AKAP13: variants seen among roughly 807,000 people sequenced by gnomAD.
AKAP13 encodes A-kinase anchor protein 13.
Under a neutral mutation model 264.5 loss-of-function variants are expected in AKAP13, and 80 were observed. That is an observed-to-expected ratio of 0.30 (90% CI 0.25 to 0.36). AKAP13 has a LOEUF of 0.36. Ranked by LOEUF, AKAP13 falls within the 10% of genes least tolerant of loss-of-function variation. AKAP13 has a pLI of 1.00. For missense variants in AKAP13, 3,712 were observed against 3,435.2 expected (o/e 1.08, Z -2.01); for synonymous variants, 1,380 against 1,250.2 (o/e 1.10, Z -2.19).
chr15:85,718,939 G>A lies in AKAP13; in HGVS notation c.6002-137G>A. 8.2e-7 allele frequency: 1 copy of A among 1,221,446 alleles called. No individual in the cohort carries two copies. The highest frequency in any genetic ancestry group is 1.1e-6 in the Non-Finnish European group (1 of 883,762). The allele number at this position is 1,221,446 out of a possible 1,614,324, so 75.7% of individuals were successfully genotyped here. A position where few individuals can be genotyped will look rare whatever the true frequency, so the allele number is the denominator to read the frequency against. ...AAACAAAAAAACGAGAACACTTTTA[G>A]GGGAAAGATAGCTGTTGACCCAATT... On this transcript the variant is annotated intron_variant, in intron 22 of 36. Transcript: ENST00000394518. The surrounding 1 kb of genome is among the most constrained non-coding windows in gnomAD (Gnocchi z 4.9).
At chr15:85,631,251 G>A (rs1013629770) in intron 8 of AKAP13, among the ~76,000 whole-genome samples, 6 of 152,024 alleles carry the variant, frequency 3.9e-5, no homozygotes, top group Non-Finnish European at 7.4e-5. Context: ...AAATACATTC[G>A]TGGCTCTCTA....
In AKAP13 at chr15:85,645,901, T is replaced by C. The variant is rs943647520; in HGVS notation, c.4321T>C (p.Ser1441Pro). Residue 1441 changes from serine to proline, a missense_variant, in exon 10 of 37, where the codon TCT becomes CCT. Ser to Pro is a moderately conservative substitution (Grantham distance 74). Transcript: ENST00000394518. Reference sequence around the variant, plus strand: ...ACTTAAAAGAGAATCTGGGAGTGATTCTGACCTCTTTCACTCACCCAGTGA... The same window carrying C: ...ACTTAAAAGAGAATCTGGGAGTGATCCTGACCTCTTTCACTCACCCAGTGA... ...GVLKRESGSDSDLFHSPSDDM... is the reference protein window; with the variant it reads ...GVLKRESGSDPDLFHSPSDDM... 2 of 1,613,934 alleles carry C rather than the reference T, an allele frequency of 1.2e-6. No individual in the cohort carries two copies.
At chr15:85,453,319 G>A (rs536354458) in intron 1 of AKAP13, among the ~76,000 whole-genome samples, 59 of 151,630 alleles carry the variant, frequency 3.9e-4, no homozygotes, top group Admixed American at 3.3e-3. Flanking sequence ...TGGAGGACCT[G>A]CCCTGTGAGG....
chr15:85,575,124 C>T lies in AKAP13; in HGVS notation c.663-7C>T, dbSNP rs1158852097. ...TATATATATTAACCAGAGATGCTTG[C>T]ATGTAGGGAGAATGCTGGAGAACCA... On this transcript the variant is annotated splice_region_variant and splice_polypyrimidine_tract_variant and intron_variant, in intron 5 of 36. Coordinates refer to ENST00000394518, the MANE Select transcript of AKAP13 (RefSeq NM_007200.5). 1 of 1,613,464 alleles carries T rather than the reference C, an allele frequency of 6.2e-7. No homozygotes were observed. Among genetic ancestry groups the T allele is most frequent in the South Asian group, 1.1e-5 (1 of 91,070 alleles).
Position 85,580,776 on chromosome 15 carries a change from CT to C in AKAP13, c.2711del (p.Leu904Ter). 6.2e-7 allele frequency: 1 copy of C among 1,614,074 alleles called. No homozygotes were observed. The highest frequency in any genetic ancestry group is 8.5e-7 in the Non-Finnish European group (1 of 1,180,006). On this transcript the variant is annotated frameshift_variant, in exon 7 of 37. Coordinates refer to ENST00000394518, the MANE Select transcript of AKAP13 (RefSeq NM_007200.5). LOFTEE classifies it high-confidence loss of function. ...SLQSVGKATL[A>X]LDSVLTEEGK... ...CAAAGTGTGGGTAAGGCCACTTTGG[CT>C]TTAGATTCAGTTTTGACTGAAGAAG...
chr15:85,430,091 T>C (rs2072960380), intron 1 of AKAP13, among the ~76,000 whole-genome samples: 1 of 152,218 alleles, frequency 6.6e-6, no homozygotes, highest in Admixed American at 6.5e-5. Flanking sequence ...TTTGCATATC[T>C]TTTGGACTAA....
At chr15:85,464,761 A>G (rs999208665) in intron 1 of AKAP13, among the ~76,000 whole-genome samples, 1 of 152,150 alleles carries the variant, frequency 6.6e-6, no homozygotes, top group Admixed American at 6.5e-5. Context: ...ATTTGTATCA[A>G]CATCTCTCTA....
chr15:85,556,211 T>TTAAAAG (rs1239035728), intron 5 of AKAP13, among the ~76,000 whole-genome samples: 1 of 152,218 alleles, frequency 6.6e-6, no homozygotes, highest in Non-Finnish European at 1.5e-5. Flanking sequence ...TTTGTGAGGA[T>TTAAAAG]TAAAAGTAAA....
At chr15:85,564,499 C>A (rs539006331) in intron 5 of AKAP13, among the ~76,000 whole-genome samples, 2 of 152,188 alleles carry the variant, frequency 1.3e-5, no homozygotes, top group Non-Finnish European at 2.9e-5. Context: ...AGTAATTTAT[C>A]ATTAATACAA....
chr15:85,726,345 C>G, intron 26 of AKAP13, 65 bp from the exon 27 acceptor site: 1 of 1,384,906 alleles, frequency 7.2e-7, no homozygotes, highest in Non-Finnish European at 1.0e-6. Context: ...AAAAAACCTT[C>G]TGACTGTGGG....
intron 6 of AKAP13, chr15:85,577,828 G>C (rs1157039291): frequency 1.0e-6 from 1 of 985,246 alleles, no homozygotes. Flanking sequence ...GGTTAAGTTA[G>C]ATTGGTTGGA....
chr15:85,619,806 A>T, intron 8 of AKAP13: 4 of 1,205,200 alleles, frequency 3.3e-6, no homozygotes, highest in Non-Finnish European at 4.1e-6. Flanking sequence ...AAAGTATAGC[A>T]TTAGGTGGTA....
chr15:85,569,441 T>A (rs1289111194), intron 5 of AKAP13, among the ~76,000 whole-genome samples: 1 of 132,224 alleles, frequency 7.6e-6, no homozygotes, highest in Non-Finnish European at 1.7e-5. Flanking sequence ...TCAACATATT[T>A]TTTTCTTTTC....
chr15:85,535,305 C>T (rs149162758), intron 4 of AKAP13: 1 of 152,312 alleles, frequency 6.6e-6, no homozygotes, highest in East Asian at 1.9e-4. Context: ...AACAGTTAAA[C>T]CTGTGGTCAG....
At chr15:85,498,474 T>G (rs1426508288) in intron 2 of AKAP13, among the ~76,000 whole-genome samples, 1 of 152,066 alleles carries the variant, frequency 6.6e-6, no homozygotes, top group Non-Finnish European at 1.5e-5. Context: ...ATTTTATAGA[T>G]GAACGAACAT....
chr15:85,563,329 G>GTTTTTTTTTTT (rs1184437606), intron 5 of AKAP13, among the ~76,000 whole-genome samples: 30 of 54,158 alleles, frequency 5.5e-4, no homozygotes, highest in African/African-American at 1.5e-3. Context: ...GAATGTGCTT[G>GTTTTTTTTTTT]TTTTTTTTTT....
At position 85,578,981 on chromosome 15, in the gene AKAP13, C is replaced by G. The variant is rs1358720462; in HGVS notation, c.913C>G (p.Gln305Glu). The G allele has an allele frequency of 6.2e-7, 1 of 1,614,070 alleles. No individual in the cohort carries two copies. Among genetic ancestry groups the G allele is most frequent in the Admixed American group, 1.7e-5 (1 of 59,998 alleles). ...TCTTATGCCCTTAATGATGACAGCA[C>G]AGGATCCTTCCAGTGCCCCAGAGAC... is the stretch of plus-strand genomic sequence containing the variant. ...DSLMPLMMTA[Q>E]DPSSAPETDG... Residue 305 changes from glutamine (Q) to glutamate (E), a missense_variant, in exon 7 of 37, where the codon CAG becomes GAG. By Grantham distance (29) the Gln-to-Glu change is conservative (BLOSUM62 2). Transcript: ENST00000394518.
At chr15:85,384,000 A>G (rs1003544006) in intron 1 of AKAP13, among the ~76,000 whole-genome samples, 5 of 152,228 alleles carry the variant, frequency 3.3e-5, no homozygotes, top group African/African-American at 1.2e-4. Flanking sequence ...AATCAGTTAT[A>G]CTAGCATAGT....
chr15:85,739,011 A>G (rs2151776686), intron 33 of AKAP13, among the ~76,000 whole-genome samples: 2 of 152,364 alleles, frequency 1.3e-5, no homozygotes, highest in East Asian at 3.9e-4. Context: ...TATGCATTAA[A>G]AACATTTCCC....
Sources: allele counts gnomAD v4.1 joint callset (sites outside exome capture counted in the v4.1 genomes callset), GRCh38; gene constraint gnomAD v4.1.1; non-coding constraint Gnocchi (gnomAD v3.1); transcripts MANE v1.5; gene names NCBI Gene and HGNC (gene_info 2026-07-23, HGNC 2026-07-21).